The following LITAFD variants were observed in gnomAD, a reference collection of about 807,000 sequenced individuals.
LITAFD encodes the protein LITAF domain containing, also known as lITAF domain-containing protein.
At chr16:8,883,466 T>A (rs1040056128) in intron 2 of LITAFD, among the ~76,000 whole-genome samples, 180 bp downstream of exon 2, 2 of 152,052 alleles carry the variant, frequency 1.3e-5, no homozygotes, top group African/African-American at 4.8e-5. Flanking sequence ...CTGCCCCTGC[T>A]CCCATGCTGG....
In LITAFD at chr16:8,885,233, AT is replaced by A. The variant is rs1476055350; in HGVS notation, c.158del (p.Met53ArgfsTer3). The A allele has an allele frequency of 8.7e-4, 348 of 399,060 alleles. 1 individual carries two copies. The South Asian group carries it at 0.011, about 12-fold the overall frequency. 24.7% of individuals were successfully genotyped at this position (399,060 alleles called of 1,614,324 possible). ...CCTGGCATTCTGCATAAGGAGCCTAATGGACGTGAAGCACTCGTGTCCCGTG... is the reference window on the plus strand; with the variant it reads ...CCTGGCATTCTGCATAAGGAGCCTAAGGACGTGAAGCACTCGTGTCCCGTG... On this transcript the variant is annotated frameshift_variant, in exon 4 of 4. Transcript: ENST00000636296. LOFTEE classifies it high-confidence loss of function.
chr16:8,885,095 G>A (rs1290685793), intron 3 of LITAFD, 92 bp from the exon 4 acceptor site: 3 of 399,016 alleles, frequency 7.5e-6, no homozygotes, highest in African/African-American at 4.1e-5. Context: ...ACACGCCCAG[G>A]CCCCTCCCAG....
intron 2 of LITAFD, among the ~76,000 whole-genome samples, chr16:8,883,979 C>T (rs2061553310): frequency 6.6e-6 from 1 of 152,238 alleles, no homozygotes; most frequent in South Asian, 2.1e-4. Context: ...GCAGGAGAAT[C>T]GCTTGAACCC....
At position 8,885,205 on chromosome 16, in the gene LITAFD, C is replaced by A; in HGVS notation, c.129C>A (p.Cys43Ter). The A allele has an allele frequency of 2.5e-6, 1 of 399,204 alleles. No individual in the cohort carries two copies. The allele number at this position is 399,204 out of a possible 1,614,324, so 24.7% of individuals were successfully genotyped here. ...GCTGCAGGTACGTCCTGGGCTGCTG[C>A]TTCCTGGCATTCTGCATAAGGAGCC... Residue 43 changes from cysteine to a stop codon, truncating the protein, a stop_gained, in exon 4 of 4, where the codon TGC becomes TGA. Coordinates refer to ENST00000636296, the Ensembl canonical transcript of LITAFD. LOFTEE classifies it low-confidence loss of function (END_TRUNC).
At position 8,885,147 on chromosome 16, in the gene LITAFD, G is replaced by T. The variant is rs955663544; in HGVS notation, c.111-40G>T. On this transcript the variant is annotated intron_variant, in intron 3 of 3. Coordinates refer to ENST00000636296, the Ensembl canonical transcript of LITAFD. ...AGGTGCGTCCAGCGTACAGTGAGAG[G>T]TGGCCCCGCTCACGCCCAGCCTCCG... 3 of 399,196 alleles carry T rather than the reference G, an allele frequency of 7.5e-6. No homozygotes were observed. In the Admixed American group the frequency reaches 1.3e-4, roughly 18 times the overall value. 24.7% of individuals were successfully genotyped at this position (399,196 alleles called of 1,614,324 possible).
chr16:8,884,947 G>A (rs1274153278), intron 3 of LITAFD: 10 of 396,544 alleles, frequency 2.5e-5, no homozygotes, highest in East Asian at 1.1e-4. Flanking sequence ...AAAATTAGCC[G>A]GGTGTGGTGG....
intron 3 of LITAFD, among the ~76,000 whole-genome samples, chr16:8,884,850 C>T (rs557723057): frequency 6.8e-4 from 104 of 152,222 alleles, no homozygotes; most frequent in African/African-American, 2.0e-3. Flanking sequence ...TTTGGGAGGC[C>T]GAGGTGGGTG....
chr16:8,885,022 A>G (rs1342292550), intron 3 of LITAFD, 165 bp from the exon 4 acceptor site: 2 of 398,756 alleles, frequency 5.0e-6, no homozygotes, highest in Non-Finnish European at 8.8e-6. Context: ...GCAGTGAGCC[A>G]AGATCACGCC....
At chr16:8,883,063 T>A (rs2061548919) in intron 1 of LITAFD, 147 bp from the exon 2 acceptor site, 1 of 152,262 alleles carries the variant, frequency 6.6e-6, no homozygotes, top group Non-Finnish European at 1.5e-5. Context: ...CTCGAACTCC[T>A]GATCTCGGGT....
At chr16:8,884,384 G>A (rs2061555362) in exon 3 of LITAFD, 1 of 399,214 alleles carries the variant, frequency 2.5e-6, no homozygotes, top group Non-Finnish European at 4.4e-6. Flanking sequence ...TGTCCCTACT[G>A]TGGAAACCGC....
At chr16:8,884,886 A>C (rs1596339064) in intron 3 of LITAFD, among the ~76,000 whole-genome samples, 1 of 152,132 alleles carries the variant, frequency 6.6e-6, no homozygotes, top group African/African-American at 2.4e-5. Context: ...GGAGTTATAG[A>C]CCAGCCTGAC....
chr16:8,883,821 T>G (rs2061552669), intron 2 of LITAFD, among the ~76,000 whole-genome samples: 1 of 152,118 alleles, frequency 6.6e-6, no homozygotes. Context: ...TCCCAGAACT[T>G]TGGGAGGCCA....
intron 3 of LITAFD, 190 bp from the exon 4 acceptor site, chr16:8,884,997 G>C (rs1248299112): frequency 2.5e-6 from 1 of 398,342 alleles, no homozygotes; most frequent in Non-Finnish European, 4.4e-6. Context: ...GACTGAGGCA[G>C]GGGAGGCAGA....
chr16:8,884,284 C>CG (rs1365330562), intron 2 of LITAFD, 39 bp from the exon 3 acceptor site: 1 of 398,760 alleles, frequency 2.5e-6, no homozygotes, highest in South Asian at 1.3e-4. Flanking sequence ...GTCCTGGCCC[C>CG]GGGGGGTCCC....
chr16:8,884,744 G>T (rs911330848), intron 3 of LITAFD, among the ~76,000 whole-genome samples: 9 of 152,170 alleles, frequency 5.9e-5, no homozygotes, highest in African/African-American at 1.9e-4. Context: ...GCAGCCAAGA[G>T]CTTGCGGGTT....
Position 8,884,262 on chromosome 16 carries a change from G to A in LITAFD, c.-33-61G>A, listed in dbSNP as rs1212092917. On this transcript the variant is annotated intron_variant, in intron 2 of 3. Transcript: ENST00000636296. ...AGCACCGACAGCCCATGGGAATTGA[G>A]AAGCCACAGGGGTCCTGGCCCCGGG... The A allele has an allele frequency of 1.8e-5, 7 of 398,036 alleles. No individual in the cohort carries two copies. In the Admixed American group the frequency reaches 3.1e-4, roughly 18 times the overall value. 24.7% of individuals were successfully genotyped at this position (398,036 alleles called of 1,614,324 possible).
intron 2 of LITAFD, among the ~76,000 whole-genome samples, chr16:8,884,070 TAAAAA>T (rs1241451539): frequency 1.3e-5 from 2 of 151,396 alleles, no homozygotes; most frequent in Non-Finnish European, 2.9e-5. Flanking sequence ...GTCTCCAAAA[TAAAAA>T]GAAAAAAGAA....
intron 2 of LITAFD, among the ~76,000 whole-genome samples, chr16:8,883,600 C>T (rs1285899950): frequency 3.9e-5 from 6 of 151,992 alleles, no homozygotes; most frequent in African/African-American, 1.4e-4. Context: ...ACTCTGCAAA[C>T]ACACCACCCC....
exon 4 of LITAFD, chr16:8,885,209 C>A: frequency 2.5e-6 from 1 of 399,180 alleles, no homozygotes. Context: ...CTGCTGCTTC[C>A]TGGCATTCTG....
Sources: allele counts gnomAD v4.1 joint callset (sites outside exome capture counted in the v4.1 genomes callset), GRCh38; gene constraint gnomAD v4.1.1; transcripts MANE v1.5; gene names NCBI Gene and HGNC (gene_info 2026-07-23, HGNC 2026-07-21).